The following EPB41 variants were observed in gnomAD, a reference collection of about 807,000 sequenced individuals.
EPB41 encodes erythrocyte membrane protein band 4.1.
Under a neutral mutation model 108.0 loss-of-function variants are expected in EPB41, and 65 were observed. The observed-to-expected ratio is 0.60, with a 90% CI of 0.49 to 0.74. The LOEUF is 0.74. Among genes scored for constraint, EPB41 ranks in the 30% least tolerant of loss-of-function variants. The pLI, the probability that EPB41 is intolerant of heterozygous loss-of-function variation, is 0.00. For synonymous variants in EPB41, 336 were observed against 358.9 expected, an observed-to-expected ratio of 0.94 and a Z score of 0.72; for missense variants, 875 against 1,037.0, an observed-to-expected ratio of 0.84 and a Z score of 2.15.
intron 16 of EPB41, among the ~76,000 whole-genome samples, chr1:29,083,748 G>A (rs147238614): frequency 1.3e-5 from 2 of 152,156 alleles, no homozygotes; most frequent in East Asian, 3.8e-4. Flanking sequence ...TAATATTAAT[G>A]TATAAAGACA....
At chr1:29,070,732 G>T in intron 16 of EPB41, 1 of 1,212,434 alleles carries the variant, frequency 8.2e-7, no homozygotes, top group South Asian at 4.3e-5. Context: ...TCCTAGGGGA[G>T]CTCTTGTGAT....
intron 2 of EPB41, among the ~76,000 whole-genome samples, chr1:28,991,702 C>CAAA (rs59227691): frequency 3.7e-4 from 36 of 98,500 alleles, no homozygotes; most frequent in East Asian, 1.2e-3. Flanking sequence ...ACTCTTGTCT[C>CAAA]AAAAAAAAAA....
chr1:28,965,283 C>G (rs532550702), intron 1 of EPB41, among the ~76,000 whole-genome samples: 3 of 151,882 alleles, frequency 2.0e-5, no homozygotes, highest in African/African-American at 7.3e-5. Flanking sequence ...TTTTTTTGAT[C>G]TTGTAATTCT....
chr1:29,108,921 G>A (rs1377219523), intron 17 of EPB41, among the ~76,000 whole-genome samples: 5 of 151,602 alleles, frequency 3.3e-5, no homozygotes, highest in Non-Finnish European at 7.4e-5. Flanking sequence ...TACCCTGGCC[G>A]GGTGCGGTAG....
intron 7 of EPB41, among the ~76,000 whole-genome samples, chr1:29,027,707 A>T (rs984616770): frequency 6.6e-6 from 1 of 152,194 alleles, no homozygotes; most frequent in Non-Finnish European, 1.5e-5. Flanking sequence ...AGTAGCTAGG[A>T]CTATAGGTGC....
intron 1 of EPB41, among the ~76,000 whole-genome samples, chr1:28,892,960 T>C (rs1451001104): frequency 1.3e-5 from 2 of 151,890 alleles, no homozygotes; most frequent in African/African-American, 2.4e-5. Context: ...CCCACCACCA[T>C]GCCAGGCTAA....
intron 1 of EPB41, among the ~76,000 whole-genome samples, chr1:28,888,906 C>A (rs2089782510): frequency 6.6e-6 from 1 of 152,224 alleles, no homozygotes; most frequent in Non-Finnish European, 1.5e-5. Flanking sequence ...GGATTACAGG[C>A]GTGAGCCACC....
At chr1:29,083,454 T>C (rs1038022340) in intron 16 of EPB41, among the ~76,000 whole-genome samples, 2 of 152,212 alleles carry the variant, frequency 1.3e-5, no homozygotes, top group African/African-American at 2.4e-5. Flanking sequence ...AGGATGTTTC[T>C]CCTTTCGGTA....
intron 4 of EPB41, among the ~76,000 whole-genome samples, chr1:29,011,599 T>C (rs974545023): frequency 2.6e-5 from 4 of 152,214 alleles, no homozygotes; most frequent in African/African-American, 9.6e-5. Context: ...TACCAATATC[T>C]CATTGTATAG....
chr1:29,076,933 C>G (rs1654328091), intron 16 of EPB41, among the ~76,000 whole-genome samples: 1 of 152,068 alleles, frequency 6.6e-6, no homozygotes, highest in Non-Finnish European at 1.5e-5. Flanking sequence ...AAAAATAGGC[C>G]TTGATTTTGC....
intron 4 of EPB41, among the ~76,000 whole-genome samples, chr1:29,007,168 T>C (rs900964403): frequency 6.6e-6 from 1 of 152,016 alleles, no homozygotes; most frequent in Non-Finnish European, 1.5e-5. Flanking sequence ...CTTGATTTAC[T>C]GCATCCTCCA....
chr1:29,065,379 G>T, intron 16 of EPB41: 1 of 638,574 alleles, frequency 1.6e-6, no homozygotes. Context: ...GCCACCAGTA[G>T]ATGATTAGCC....
intron 1 of EPB41, among the ~76,000 whole-genome samples, chr1:28,957,747 G>T (rs12038732): frequency 6.6e-6 from 1 of 151,870 alleles, no homozygotes; most frequent in Non-Finnish European, 1.5e-5. Flanking sequence ...TTAAGAATTG[G>T]TCTTTAAAAA....
intron 1 of EPB41, among the ~76,000 whole-genome samples, chr1:28,960,515 C>A (rs964977639): frequency 7.3e-6 from 1 of 136,608 alleles, no homozygotes; most frequent in Non-Finnish European, 1.5e-5. Flanking sequence ...ATCACTTGAG[C>A]GCAGGAGTTT....
chr1:29,092,341 C>G (rs1661563533), intron 16 of EPB41, among the ~76,000 whole-genome samples: 1 of 152,008 alleles, frequency 6.6e-6, no homozygotes, highest in Admixed American at 6.6e-5. Context: ...ATCCGCCCAC[C>G]TCAGTCTCCC....
chr1:29,010,390 G>A (rs1343164327), intron 4 of EPB41, among the ~76,000 whole-genome samples: 3 of 152,134 alleles, frequency 2.0e-5, no homozygotes, highest in African/African-American at 7.2e-5. Context: ...TTTGGACAAG[G>A]GAAGGGGAGG....
chr1:28,908,870 AG>A (rs2092041222), intron 1 of EPB41, among the ~76,000 whole-genome samples: 1 of 151,624 alleles, frequency 6.6e-6, no homozygotes, highest in South Asian at 2.1e-4. Context: ...AAATGAAAAA[AG>A]TCAGTTTTAG....
At chr1:29,106,565 T>A (rs113806361) in intron 17 of EPB41, among the ~76,000 whole-genome samples, 893 of 39,024 alleles carry the variant, frequency 0.023, 34 homozygotes, top group African/African-American at 0.074. Context: ...GTAGCTGGGA[T>A]TTTTTTTTTT....
At chr1:29,028,638 A>G (rs1197397743) in intron 7 of EPB41, among the ~76,000 whole-genome samples, 1 of 152,176 alleles carries the variant, frequency 6.6e-6, no homozygotes, top group Non-Finnish European at 1.5e-5. Context: ...TGCTGTCTCA[A>G]CTAAGGGTCC....
Sources: allele counts gnomAD v4.1 joint callset (sites outside exome capture counted in the v4.1 genomes callset), GRCh38; gene constraint gnomAD v4.1.1; transcripts MANE v1.5; gene names NCBI Gene and HGNC (gene_info 2026-07-23, HGNC 2026-07-21).